Variants in SLF2 observed in about 807,000 individuals in gnomAD.
SLF2 encodes SMC5/6 complex localization factor 2.
SLF2 carries 68 observed loss-of-function variants against 124.3 expected under a neutral mutation model. The ratio of observed to expected loss-of-function variants is 0.55; its 90% confidence interval spans 0.45 to 0.67. The LOEUF (loss-of-function observed/expected upper bound fraction) is 0.67, where lower values mean the gene tolerates loss of function less well. Ranked by LOEUF, SLF2 falls within the 30% of genes least tolerant of loss-of-function variation. The probability of loss-of-function intolerance (pLI) is 0.00; values close to 1 mark genes in which losing one functional copy is unlikely to be tolerated. For synonymous variants in SLF2, 480 were observed against 478.8 expected, an observed-to-expected ratio of 1.00 and a Z score of -0.03; for missense variants, 1,246 against 1,373.7, an observed-to-expected ratio of 0.91 and a Z score of 1.47.
chr10:100,953,022 AT>A (rs910741445), intron 17 of SLF2, among the ~76,000 whole-genome samples: 7 of 149,260 alleles, frequency 4.7e-5, no homozygotes, highest in African/African-American at 1.7e-4. Context: ...TATTTTATAC[AT>A]TTTTTTTTTC....
chr10:100,919,085 C>T (rs1849477934), intron 4 of SLF2, among the ~76,000 whole-genome samples: 1 of 138,242 alleles, frequency 7.2e-6, no homozygotes, highest in African/African-American at 2.8e-5. Context: ...TAATTTGGCT[C>T]ATTGCAAGCT....
chr10:100,950,947 A>G (rs2133820997), intron 17 of SLF2, among the ~76,000 whole-genome samples, 194 bp downstream of exon 17: 1 of 152,326 alleles, frequency 6.6e-6, no homozygotes, highest in East Asian at 1.9e-4. Context: ...TATCGTATTG[A>G]AAAGAATTGT....
Position 100,945,349 on chromosome 10 carries a change from C to G in SLF2, c.2777C>G (p.Ser926Cys). ...NVVKFLGLCT[S>C]IHPEGYQDRE... The stretch of plus-strand genomic sequence containing the variant: ...AAACAGTTTCTAGGCTTGTGTACAT[C>G]TATACATCCAGAAGGTTACCAGGAT... Residue 926 changes from serine to cysteine, a missense_variant, in exon 13 of 20, where the codon TCT becomes TGT. Coordinates refer to ENST00000238961, the MANE Select transcript of SLF2 (RefSeq NM_018121.4). The G allele has an allele frequency of 6.3e-7, 1 of 1,593,406 alleles. No homozygotes were observed. The highest frequency in any genetic ancestry group is 8.5e-7 in the Non-Finnish European group (1 of 1,175,040).
chr10:100,944,298 A>T (rs1181605749), intron 12 of SLF2, among the ~76,000 whole-genome samples, 170 bp downstream of exon 12: 3 of 152,012 alleles, frequency 2.0e-5, no homozygotes, highest in Non-Finnish European at 4.4e-5. Flanking sequence ...GATCGAGACC[A>T]TCCTGGCTAA....
chr10:100,954,218 A>T (rs1229741486), intron 17 of SLF2, among the ~76,000 whole-genome samples: 2 of 152,154 alleles, frequency 1.3e-5, no homozygotes, highest in East Asian at 3.9e-4. Flanking sequence ...TGGTCATGCC[A>T]CTGCCCTCCA....
intron 17 of SLF2, among the ~76,000 whole-genome samples, chr10:100,954,943 T>C (rs974623486): frequency 4.2e-5 from 6 of 142,668 alleles, no homozygotes; most frequent in Admixed American, 6.9e-5. Flanking sequence ...AAGACTCTCT[T>C]TTTTTTTTTT....
chr10:100,956,572 TCTTAA>T, intron 18 of SLF2, 35 bp downstream of exon 18: 9 of 1,450,626 alleles, frequency 6.2e-6, no homozygotes, highest in African/African-American at 1.4e-5. Context: ...TTTTTTTTTT[TCTTAA>T]TCTTGGTTAC....
At chr10:100,926,465 A>G (rs574663457) in intron 6 of SLF2, 2 of 507,782 alleles carry the variant, frequency 3.9e-6, no homozygotes, top group Non-Finnish European at 6.6e-6. Context: ...TTAGCCAGTC[A>G]TGGTGCCACA....
chr10:100,920,264 G>A (rs113098754), intron 4 of SLF2, among the ~76,000 whole-genome samples: 157 of 152,312 alleles, frequency 1.0e-3, no homozygotes, highest in African/African-American at 3.0e-3. Context: ...GCTGCTGGTG[G>A]TGTGGCTACC....
intron 19 of SLF2, 103 bp from the exon 20 acceptor site, chr10:100,961,769 ACTTGT>A (rs1564787601): frequency 4.6e-6 from 4 of 878,872 alleles, no homozygotes; most frequent in African/African-American, 1.7e-5. Flanking sequence ...AGATTTTATT[ACTTGT>A]CTTATCAAAG....
chr10:100,938,784 CTT>C (rs758262130), intron 11 of SLF2, 48 bp downstream of exon 11: 1 of 1,480,004 alleles, frequency 6.8e-7, no homozygotes, highest in East Asian at 2.4e-5. Flanking sequence ...TTTCGTACGA[CTT>C]ATATATAATT....
intron 18 of SLF2, among the ~76,000 whole-genome samples, chr10:100,957,434 C>T (rs1850353892): frequency 6.8e-6 from 1 of 147,786 alleles, no homozygotes; most frequent in Non-Finnish European, 1.5e-5. Context: ...CACTGCAACC[C>T]CCGCCTTCCA....
chr10:100,930,128 A>G (rs1403540558), intron 8 of SLF2, 131 bp downstream of exon 8: 4 of 525,854 alleles, frequency 7.6e-6, no homozygotes, highest in Admixed American at 3.8e-5. Context: ...TCTTATTACT[A>G]TTGATCTTTA....
At chr10:100,943,874 T>A in intron 11 of SLF2, 152 bp from the exon 12 acceptor site, 2 of 538,872 alleles carry the variant, frequency 3.7e-6, no homozygotes, top group Non-Finnish European at 6.6e-6. Context: ...TTAGTATATA[T>A]GATTATCAAA....
chr10:100,950,815 G>A, intron 17 of SLF2, 62 bp downstream of exon 17: 4 of 1,296,396 alleles, frequency 3.1e-6, no homozygotes, highest in Non-Finnish European at 4.5e-6. Context: ...GATGGAATGA[G>A]TGAGCATGCT....
At chr10:100,947,965 A>T in intron 15 of SLF2, 118 bp downstream of exon 15, 1 of 636,084 alleles carries the variant, frequency 1.6e-6, no homozygotes, top group Non-Finnish European at 2.7e-6. Flanking sequence ...TAAGCTTGAT[A>T]CTGTTCATGT....
chr10:100,927,427 G>A (rs1360784673), intron 6 of SLF2, among the ~76,000 whole-genome samples: 3 of 152,112 alleles, frequency 2.0e-5, no homozygotes, highest in African/African-American at 4.8e-5. Context: ...CAGAATTTCC[G>A]TTCTTTATAA....
intron 6 of SLF2, among the ~76,000 whole-genome samples, chr10:100,928,429 A>T (rs1252114996): frequency 6.6e-6 from 1 of 152,144 alleles, no homozygotes; most frequent in Non-Finnish European, 1.5e-5. Context: ...GTGATCTGTG[A>T]TATGAAATCT....
intron 17 of SLF2, among the ~76,000 whole-genome samples, chr10:100,954,919 C>T (rs1340789353): frequency 6.6e-6 from 1 of 150,874 alleles, no homozygotes; most frequent in African/African-American, 2.4e-5. Context: ...GCACTCCAGC[C>T]TGGATAACAA....
Sources: gnomAD v4.1 joint callset for allele counts (sites outside exome capture counted in the v4.1 genomes callset) on GRCh38, gnomAD v4.1.1 for gene constraint, MANE v1.5 for transcripts, NCBI Gene and HGNC (gene_info 2026-07-23, HGNC 2026-07-21) for gene names.